SDCCAG8: variants seen among roughly 807,000 people sequenced by gnomAD.
The protein encoded by SDCCAG8 is serologically defined colon cancer antigen 8.
In SDCCAG8, 74 loss-of-function variants were observed where a neutral mutation model predicts 101.8. That is an observed-to-expected ratio of 0.73 (90% CI 0.60 to 0.88). SDCCAG8 has a LOEUF of 0.88. Ranked by LOEUF, SDCCAG8 falls within the 40% of genes least tolerant of loss-of-function variation. SDCCAG8 has a pLI of 0.00. For missense variants in SDCCAG8, 787 were observed against 822.6 expected, an observed-to-expected ratio of 0.96 and a Z score of 0.53; for synonymous variants, 281 against 292.9, an observed-to-expected ratio of 0.96 and a Z score of 0.41.
At chr1:243,394,933 AAAGAT>A (rs1249428471) in intron 13 of SDCCAG8, among the ~76,000 whole-genome samples, 18 of 151,862 alleles carry the variant, frequency 1.2e-4, no homozygotes, top group African/African-American at 4.4e-4. Context: ...TTTCTGTTTG[AAAGAT>A]AAGATAAGCA....
intron 15 of SDCCAG8, among the ~76,000 whole-genome samples, chr1:243,419,729 G>A (rs1362200457): frequency 1.3e-5 from 2 of 152,190 alleles, no homozygotes; most frequent in Admixed American, 1.3e-4. Context: ...GGTAATTACA[G>A]TATTTTACAT....
chr1:243,448,487 G>C (rs1322963176), intron 16 of SDCCAG8, among the ~76,000 whole-genome samples: 1 of 152,180 alleles, frequency 6.6e-6, no homozygotes, highest in Non-Finnish European at 1.5e-5. Flanking sequence ...GGGGCCTGTG[G>C]TAGGCTTTGG....
At chr1:243,310,167 G>C (rs1448320181) in intron 8 of SDCCAG8, among the ~76,000 whole-genome samples, 7 of 151,830 alleles carry the variant, frequency 4.6e-5, no homozygotes. Flanking sequence ...CGGCCCGACT[G>C]GTAGTTTTTA....
At chr1:243,316,580 C>T (rs990241812) in intron 8 of SDCCAG8, among the ~76,000 whole-genome samples, 175 bp from the exon 9 acceptor site, 3 of 152,180 alleles carry the variant, frequency 2.0e-5, no homozygotes, top group Non-Finnish European at 2.9e-5. Context: ...CTGCTCCGCC[C>T]GCCGCTCGCC....
At position 243,283,028 on chromosome 1, in the gene SDCCAG8, G is replaced by A. The variant is rs550890017; in HGVS notation, c.421-3244G>A. ...CACCTGGCTAATTTTTGTATTTTTA[G>A]TAGAGACAGGGTTTCACCATGTTAG... On this transcript the variant is annotated intron_variant, in intron 4 of 17. Transcript: ENST00000366541. Among the ~76,000 whole-genome samples, 70 of 152,042 alleles carry A rather than the reference G, an allele frequency of 4.6e-4. 1 individual carries two copies. Among genetic ancestry groups the A allele is most frequent in the African/African-American group, 1.5e-3 (64 of 41,476 alleles).
At chr1:243,424,115 T>G (rs2081191894) in intron 15 of SDCCAG8, among the ~76,000 whole-genome samples, 1 of 152,166 alleles carries the variant, frequency 6.6e-6, no homozygotes, top group Admixed American at 6.5e-5. Flanking sequence ...ATTGGAATTT[T>G]GATGGAGAGT....
chr1:243,476,345 A>G (rs1662411376), intron 16 of SDCCAG8: 3 of 985,476 alleles, frequency 3.0e-6, no homozygotes, highest in Non-Finnish European at 3.6e-6. Context: ...TTAAAACCTA[A>G]TTAAGATGTG....
At chr1:243,375,306 A>C (rs1473553385) in intron 12 of SDCCAG8, among the ~76,000 whole-genome samples, 2 of 152,162 alleles carry the variant, frequency 1.3e-5, no homozygotes, top group African/African-American at 4.8e-5. Flanking sequence ...TCGGGGAGGT[A>C]GACCATGGGC....
At chr1:243,318,294 G>A (rs2073442519) in intron 9 of SDCCAG8, among the ~76,000 whole-genome samples, 2 of 152,312 alleles carry the variant, frequency 1.3e-5, no homozygotes, top group Non-Finnish European at 2.9e-5. Context: ...ATAAGTGGGA[G>A]CTAAATGATA....
intron 17 of SDCCAG8, among the ~76,000 whole-genome samples, chr1:243,498,506 G>GC (rs1284382609): frequency 3.3e-5 from 5 of 152,178 alleles, no homozygotes; most frequent in East Asian, 1.9e-4. Context: ...CTGAGGCCAG[G>GC]CCCCCCACCT....
intron 5 of SDCCAG8, among the ~76,000 whole-genome samples, chr1:243,289,000 C>A (rs138449736): frequency 3.4e-5 from 5 of 146,752 alleles, no homozygotes. Flanking sequence ...GAGCAAGACT[C>A]CATCTCAAAA....
intron 7 of SDCCAG8, among the ~76,000 whole-genome samples, chr1:243,307,054 TTTTTTTG>T (rs1175514396): frequency 1.3e-5 from 2 of 149,984 alleles, no homozygotes; most frequent in African/African-American, 5.0e-5. Flanking sequence ...CTAGAAAGTT[TTTTTTTG>T]TTTTTTTTTT....
chr1:243,357,745 C>T (rs963818232), intron 12 of SDCCAG8, among the ~76,000 whole-genome samples: 2 of 152,180 alleles, frequency 1.3e-5, no homozygotes, highest in African/African-American at 4.8e-5. Context: ...GGGGGCTCAG[C>T]AAAGGGTGTG....
chr1:243,320,705 T>G lies in SDCCAG8; in HGVS notation c.1068+3812T>G, dbSNP rs181266595. On this transcript the variant is annotated intron_variant, in intron 9 of 17. Coordinates refer to ENST00000366541, the MANE Select transcript of SDCCAG8 (RefSeq NM_006642.5). Reference sequence around the variant, plus strand: ...TGGAGAAATATGTGACTCCTAGGATTGTGAATGAGGACTGCATTTTAAAAT... The same window carrying G: ...TGGAGAAATATGTGACTCCTAGGATGGTGAATGAGGACTGCATTTTAAAAT... Among the ~76,000 whole-genome samples, 6 of 152,314 alleles carry G rather than the reference T, an allele frequency of 3.9e-5. No individual in the cohort carries two copies. The East Asian group carries it at 1.2e-3, about 29-fold the overall frequency.
chr1:243,499,647 T>TC (rs1669013863), intron 17 of SDCCAG8, 109 bp from the exon 18 acceptor site: 2 of 900,026 alleles, frequency 2.2e-6, no homozygotes, highest in African/African-American at 1.7e-5. Context: ...CAGGTTTTTT[T>TC]CTCCAACAAC....
At chr1:243,457,054 C>T (rs72759887) in intron 16 of SDCCAG8, among the ~76,000 whole-genome samples, 2 of 151,972 alleles carry the variant, frequency 1.3e-5, no homozygotes, top group African/African-American at 2.4e-5. Flanking sequence ...GCGGAAGACT[C>T]GTAGGTATTT....
chr1:243,414,845 ATGTGTG>A lies in SDCCAG8; in HGVS notation c.1617-832_1617-827del, dbSNP rs35826806. 2.8e-3 allele frequency among the ~76,000 whole-genome samples: 424 copies of A among 148,970 alleles called. 2 individuals carry two copies. The highest frequency in any genetic ancestry group is 8.4e-3 in the South Asian group (39 of 4,620). On this transcript the variant is annotated intron_variant, in intron 13 of 17. Transcript: ENST00000366541. ...TTAGAGTTTGAAGAACCATTCTAAT[ATGTGTG>A]TGTGTGTGTGTGTGTGTGTGTGTGC...
Position 243,378,832 on chromosome 1 carries a change from G to C in SDCCAG8, c.1585G>C (p.Gly529Arg). The C allele has an allele frequency of 6.2e-7, 1 of 1,614,034 alleles. No individual in the cohort carries two copies. Among genetic ancestry groups the C allele is most frequent in the Non-Finnish European group, 8.5e-7 (1 of 1,179,972 alleles). Reference sequence around the variant, plus strand: ...GTGCCTGAGACTAACAGAACTGCTGGGCGAATCTGAGCACCAACTGCACCT... The same window carrying C: ...GTGCCTGAGACTAACAGAACTGCTGCGCGAATCTGAGCACCAACTGCACCT... The part of the protein sequence containing the change: ...EECLRLTELL[G>R]ESEHQLHLTR... Residue 529 changes from glycine to arginine, a missense_variant, in exon 13 of 18, where the codon GGC (glycine) becomes CGC (arginine). Gly to Arg is a moderately radical substitution (Grantham distance 125, BLOSUM62 -2). Transcript: ENST00000366541.
In SDCCAG8 at chr1:243,286,281, T is replaced by G. The variant is rs749010399; in HGVS notation, c.430T>G (p.Ser144Ala). 8.7e-6 allele frequency: 14 copies of G among 1,613,950 alleles called. No individual in the cohort carries two copies. In the African/African-American group the frequency reaches 1.6e-4, roughly 18 times the overall value. The change falls in exon 5 of 18, where the codon TCT becomes GCT. Residue 144 changes from serine to alanine, a missense_variant. Physicochemically the swap from Ser to Ala is moderately conservative, Grantham distance 99. Transcript: ENST00000366541. ...AEVKFCKEELSGMKNKIQVVV... is the reference protein window; with the variant it reads ...AEVKFCKEELAGMKNKIQVVV... ...GTTTTGTTTATTATAGGAGGAACTC[T>G]CTGGAATGAAAAATAAAATACAAGT...
Sources: allele counts gnomAD v4.1 joint callset (sites outside exome capture counted in the v4.1 genomes callset), GRCh38; gene constraint gnomAD v4.1.1; transcripts MANE v1.5; gene names NCBI Gene and HGNC (gene_info 2026-07-23, HGNC 2026-07-21).